Variants in ZDHHC14 observed in about 807,000 individuals in gnomAD.
ZDHHC14 encodes zDHHC palmitoyltransferase 14.
A neutral mutation model predicts 47.7 loss-of-function variants in ZDHHC14; 16 were observed. The observed-to-expected ratio is 0.34, with a 90% CI of 0.23 to 0.51. The LOEUF (loss-of-function observed/expected upper bound fraction) is 0.51, where lower values mean the gene tolerates loss of function less well. Among genes scored for constraint, ZDHHC14 ranks in the 20% least tolerant of loss-of-function variants. ZDHHC14 has a pLI of 0.97. For synonymous variants in ZDHHC14, 293 were observed against 278.9 expected (o/e 1.05, Z -0.50); for missense variants, 515 against 662.5 (o/e 0.78, Z 2.44).
chr6:157,644,394 A>G (rs1259679317), intron 5 of ZDHHC14, among the ~76,000 whole-genome samples: 1 of 152,214 alleles, frequency 6.6e-6, no homozygotes, highest in Non-Finnish European at 1.5e-5. Flanking sequence ...GGGGTTGCCT[A>G]GGCTGGCAGC....
At chr6:157,583,471 G>T (rs1203435882) in intron 2 of ZDHHC14, among the ~76,000 whole-genome samples, 1 of 152,132 alleles carries the variant, frequency 6.6e-6, no homozygotes, top group African/African-American at 2.4e-5. Flanking sequence ...TTCGCATGGG[G>T]AGTATATTAC....
intron 2 of ZDHHC14, among the ~76,000 whole-genome samples, chr6:157,574,494 A>G (rs1783224855): frequency 6.6e-6 from 1 of 152,126 alleles, no homozygotes; most frequent in Admixed American, 6.5e-5. Flanking sequence ...CTGAGGTCCA[A>G]TTCTGCATGT....
At chr6:157,552,582 G>A (rs570262361) in intron 2 of ZDHHC14, among the ~76,000 whole-genome samples, 4 of 152,172 alleles carry the variant, frequency 2.6e-5, no homozygotes, top group East Asian at 1.9e-4. Context: ...CAATGAGGAC[G>A]GAGGAAATGG....
chr6:157,591,849 AGTTATCTTTAAT>A (rs1783922614), intron 2 of ZDHHC14, among the ~76,000 whole-genome samples: 1 of 152,212 alleles, frequency 6.6e-6, no homozygotes. Context: ...TAAAATGAAC[AGTTATCTTTAAT>A]GTTACCAACT....
rs138489223 is a variant in ZDHHC14 at position 157,560,238 on chromosome 6, C to T, written c.406+17493C>T. On this transcript the variant is annotated intron_variant, in intron 2 of 8. Transcript: ENST00000359775. ...GGAGAAGAGCGTGTCAGCCAGGAAG[C>T]GGGGCCGACTGTTGCCACATCAGTT... 7.0e-3 allele frequency among the ~76,000 whole-genome samples: 1,060 copies of T among 152,248 alleles called. 15 individuals carry two copies. Among genetic ancestry groups the T allele is most frequent in the African/African-American group, 0.024 (990 of 41,528 alleles).
chr6:157,381,488 C>A lies in ZDHHC14; in HGVS notation c.-534C>A. The A allele has an allele frequency of 2.7e-6, 1 of 370,656 alleles. No individual in the cohort carries two copies. Among genetic ancestry groups the A allele is most frequent in the South Asian group, 1.8e-5 (1 of 55,786 alleles). The allele number at this position is 370,656 out of a possible 1,614,324, so 23.0% of individuals were successfully genotyped here. ...CCGGTGCCGCGCGCGGCCGCCCAGT[C>A]GCCAGCGCTCTCTCCTGGGAGGATC... On this transcript the variant is annotated 5_prime_UTR_variant, in exon 1 of 9. Transcript: ENST00000359775.
rs529503142 is a variant in ZDHHC14, at chr6:157,456,496, C to T, written c.245+74230C>T. Among the ~76,000 whole-genome samples the T allele has an allele frequency of 7.9e-5, 12 of 152,276 alleles. 1 individual carries two copies. In the East Asian group the frequency reaches 1.7e-3, roughly 22 times the overall value. ...TGGGAAGGACAGTAGCTACCTAAAA[C>T]GGCACTCAGCGCTGTTAGGGACCTG... On this transcript the variant is annotated intron_variant, in intron 1 of 8. Transcript: ENST00000359775.
intron 2 of ZDHHC14, among the ~76,000 whole-genome samples, chr6:157,556,485 C>T (rs181315183): frequency 5.3e-4 from 80 of 152,368 alleles, no homozygotes; most frequent in African/African-American, 1.9e-3. Context: ...CCTGCCTGGC[C>T]GCTGAGCTCA....
intron 2 of ZDHHC14, among the ~76,000 whole-genome samples, chr6:157,569,779 G>A (rs562050438): frequency 7.6e-4 from 115 of 152,102 alleles, no homozygotes; most frequent in African/African-American, 2.5e-3. Flanking sequence ...TCACACGGAA[G>A]CTACCTACCA....
intron 1 of ZDHHC14, among the ~76,000 whole-genome samples, chr6:157,448,734 G>A (rs1339747758): frequency 6.6e-6 from 1 of 152,184 alleles, no homozygotes; most frequent in East Asian, 1.9e-4. Flanking sequence ...GCACCACCAT[G>A]CCCAGCTAAT....
At chr6:157,423,362 G>C (rs1323417797) in intron 1 of ZDHHC14, among the ~76,000 whole-genome samples, 3 of 152,116 alleles carry the variant, frequency 2.0e-5, no homozygotes. Flanking sequence ...TGGAATTTGT[G>C]ATTATTCATA....
chr6:157,441,262 T>C (rs1008389547), intron 1 of ZDHHC14, among the ~76,000 whole-genome samples: 1 of 152,240 alleles, frequency 6.6e-6, no homozygotes, highest in Non-Finnish European at 1.5e-5. Context: ...TCCTCCATTC[T>C]GTCCCAGCAG....
intron 3 of ZDHHC14, among the ~76,000 whole-genome samples, chr6:157,617,872 CACCTCTG>C (rs1314137359): frequency 6.6e-6 from 1 of 152,140 alleles, no homozygotes; most frequent in African/African-American, 2.4e-5. Context: ...GAATCTGTAC[CACCTCTG>C]TCACAGGGTA....
intron 1 of ZDHHC14, among the ~76,000 whole-genome samples, chr6:157,407,466 A>G (rs181583937): frequency 6.6e-6 from 1 of 152,300 alleles, no homozygotes; most frequent in East Asian, 1.9e-4. Flanking sequence ...TACTGGACAC[A>G]AGAAAACTTC....
At chr6:157,559,984 T>C (rs1417741527) in intron 2 of ZDHHC14, among the ~76,000 whole-genome samples, 1 of 152,130 alleles carries the variant, frequency 6.6e-6, no homozygotes, top group East Asian at 1.9e-4. Flanking sequence ...TTTATAATAG[T>C]GTAAAGGAAG....
intron 7 of ZDHHC14, among the ~76,000 whole-genome samples, chr6:157,649,397 C>A (rs553481073): frequency 1.3e-5 from 2 of 152,346 alleles, no homozygotes; most frequent in South Asian, 4.1e-4. Flanking sequence ...ACATAGGCCA[C>A]TCATAGGCTT....
At chr6:157,426,125 G>A (rs1399618717) in intron 1 of ZDHHC14, among the ~76,000 whole-genome samples, 3 of 152,134 alleles carry the variant, frequency 2.0e-5, no homozygotes, top group African/African-American at 7.2e-5. Flanking sequence ...TAAAGGAGGC[G>A]GTCATGCTGC....
chr6:157,616,437 A>G (rs543543252), intron 3 of ZDHHC14, among the ~76,000 whole-genome samples: 3 of 152,258 alleles, frequency 2.0e-5, no homozygotes, highest in South Asian at 2.1e-4. Flanking sequence ...CCGTGGGACA[A>G]TTAGGTCCAC....
intron 5 of ZDHHC14, among the ~76,000 whole-genome samples, chr6:157,639,236 C>T (rs1777129349): frequency 6.6e-6 from 1 of 152,214 alleles, no homozygotes. Context: ...CCCTTCATCC[C>T]CTGCATGCTG....
Sources: gnomAD v4.1 joint callset for allele counts (sites outside exome capture counted in the v4.1 genomes callset) on GRCh38, gnomAD v4.1.1 for gene constraint, MANE v1.5 for transcripts, NCBI Gene and HGNC (gene_info 2026-07-23, HGNC 2026-07-21) for gene names.